The following ATXN8OS variants were observed in gnomAD, a reference collection of about 807,000 sequenced individuals.
The protein encoded by ATXN8OS is ATXN8 opposite strand (non-protein coding).
rs956439523 is a variant in ATXN8OS, at chr13:70,154,898, C to A, written n.573+7470C>A. 2.6e-5 allele frequency among the ~76,000 whole-genome samples: 4 copies of A among 152,178 alleles called. No homozygotes were observed. In the East Asian group the frequency reaches 5.8e-4, roughly 22 times the overall value. ...AGGATAAGCCGGTGCCCAGGCAAACCTAGATAATGGACATCTGGATTGCTT... is the reference window on the plus strand; with the variant it reads ...AGGATAAGCCGGTGCCCAGGCAAACATAGATAATGGACATCTGGATTGCTT... On this transcript the variant is annotated intron_variant and non_coding_transcript_variant, in intron 4 of 4. Coordinates refer to ENST00000678624, the Ensembl canonical transcript of ATXN8OS.
At chr13:70,107,442 G>C, upstream of ATXN8OS, 1 of 1,614,138 alleles carries the variant, frequency 6.2e-7, no homozygotes, top group Non-Finnish European at 8.5e-7. Flanking sequence ...TGAAGGAAGA[G>C]GAGGAAGAGG....
At chr13:70,115,099 T>C (rs1012588809) in intron 1 of ATXN8OS, 1 of 397,220 alleles carries the variant, frequency 2.5e-6, no homozygotes, top group African/African-American at 2.1e-5. Flanking sequence ...GAACACTACA[T>C]ACTGGGTAAT....
intron 2 of ATXN8OS, among the ~76,000 whole-genome samples, chr13:70,118,288 A>G (rs1281227261): frequency 6.6e-6 from 1 of 152,134 alleles, no homozygotes; most frequent in Non-Finnish European, 1.5e-5. Flanking sequence ...ATGACATTTC[A>G]CTAAGTAAAT....
At chr13:70,150,954 A>G (rs1434908074) in intron 4 of ATXN8OS, among the ~76,000 whole-genome samples, 3 of 152,116 alleles carry the variant, frequency 2.0e-5, no homozygotes, top group South Asian at 4.1e-4. Flanking sequence ...CATTGGCACT[A>G]TATTTTTTTA....
rs555240524 is a variant in ATXN8OS, at chr13:70,115,575, T to C, written n.398+277T>C. 2.3e-4 allele frequency among the ~76,000 whole-genome samples: 35 copies of C among 152,216 alleles called. 1 individual carries two copies. In the South Asian group the frequency reaches 7.0e-3, roughly 31 times the overall value. ...GGCAACACATTTTGGAAAATGAAGA[T>C]GGTCTTACTAGACTAGGATGGTTCT... On this transcript the variant is annotated intron_variant and non_coding_transcript_variant, in intron 2 of 4. Transcript: ENST00000678624.
rs969965218 is a variant in ATXN8OS, at chr13:70,116,145, G to C, written n.398+847G>C. Among the ~76,000 whole-genome samples, 6 of 114,732 alleles carry C rather than the reference G, an allele frequency of 5.2e-5. No individual in the cohort carries two copies. The East Asian group carries it at 9.3e-4, about 18-fold the overall frequency. 75.3% of individuals were successfully genotyped at this position (114,732 alleles called of 152,430 possible). On this transcript the variant is annotated intron_variant and non_coding_transcript_variant, in intron 2 of 4. Coordinates refer to ENST00000678624, the Ensembl canonical transcript of ATXN8OS. ...GTGCCAAGCCATGTTCATGGTGATG[G>C]GGGTGTATCAGTTAAAAAAAAAAAA...
chr13:70,110,382 G>A (rs1203679802), intron 1 of ATXN8OS, among the ~76,000 whole-genome samples: 6 of 151,854 alleles, frequency 4.0e-5, no homozygotes, highest in South Asian at 4.2e-4. Context: ...AAAATATTTC[G>A]AATTTAAGAA....
chr13:70,138,658 T>C (rs1433708323), intron 3 of ATXN8OS, among the ~76,000 whole-genome samples: 7 of 152,128 alleles, frequency 4.6e-5, no homozygotes, highest in Admixed American at 3.9e-4. Flanking sequence ...ATCACTAATA[T>C]AGTATGCATT....
chr13:70,117,763 A>G (rs990273006), intron 2 of ATXN8OS, among the ~76,000 whole-genome samples: 2 of 152,088 alleles, frequency 1.3e-5, no homozygotes, highest in Non-Finnish European at 2.9e-5. Flanking sequence ...AAAACCTGTT[A>G]AACAAGTAGC....
At chr13:70,147,550 A>G (rs1888802474) in intron 4 of ATXN8OS, among the ~76,000 whole-genome samples, 1 of 152,184 alleles carries the variant, frequency 6.6e-6, no homozygotes. Context: ...TAATCAAGAG[A>G]AAAGAAGTAT....
chr13:70,147,804 C>G (rs1466088797), intron 4 of ATXN8OS, among the ~76,000 whole-genome samples: 2 of 152,114 alleles, frequency 1.3e-5, no homozygotes, highest in Non-Finnish European at 2.9e-5. Flanking sequence ...CAAGATGATA[C>G]AGCCTCGGGA....
intron 2 of ATXN8OS, among the ~76,000 whole-genome samples, chr13:70,119,876 A>C (rs546915626): frequency 6.6e-6 from 1 of 151,930 alleles, no homozygotes; most frequent in East Asian, 2.0e-4. Flanking sequence ...CTTGGGTTCC[A>C]TCCACAAGAT....
At chr13:70,120,574 C>G (rs575595294) in intron 2 of ATXN8OS, among the ~76,000 whole-genome samples, 4 of 152,144 alleles carry the variant, frequency 2.6e-5, no homozygotes, top group Non-Finnish European at 4.4e-5. Flanking sequence ...ACTATCCATA[C>G]AGAGCTTGCA....
At chr13:70,110,357 CTT>C in intron 1 of ATXN8OS, among the ~76,000 whole-genome samples, 1 of 151,952 alleles carries the variant, frequency 6.6e-6, no homozygotes, top group East Asian at 1.9e-4. Flanking sequence ...TAAAATTCAA[CTT>C]TATTATCAAA....
intron 3 of ATXN8OS, chr13:70,139,203 A>C (rs1300190856): frequency 2.3e-6 from 1 of 435,018 alleles, no homozygotes; most frequent in East Asian, 3.3e-5. Flanking sequence ...TCTGTGTCTG[A>C]TATTCTCTAC....
chr13:70,126,306 A>G (rs1888434218), intron 2 of ATXN8OS, among the ~76,000 whole-genome samples: 1 of 152,150 alleles, frequency 6.6e-6, no homozygotes, highest in Middle Eastern at 3.2e-3. Flanking sequence ...TGGACAGCTA[A>G]TGTTCCCTCA....
upstream of ATXN8OS, chr13:70,107,691 G>A: frequency 6.6e-7 from 1 of 1,524,768 alleles, no homozygotes; most frequent in Non-Finnish European, 8.8e-7. Flanking sequence ...TTCGCCCAGA[G>A]CCTGACATGC....
At chr13:70,134,485 C>T (rs1181118377) in intron 3 of ATXN8OS, among the ~76,000 whole-genome samples, 4 of 152,104 alleles carry the variant, frequency 2.6e-5, no homozygotes, top group Admixed American at 2.0e-4. Context: ...AAAGGATGCT[C>T]GTTGAGCAGA....
At chr13:70,167,738 T>TTTTTC (rs1889094766) in intron 4 of ATXN8OS, among the ~76,000 whole-genome samples, 1 of 96,022 alleles carries the variant, frequency 1.0e-5, no homozygotes, top group Non-Finnish European at 2.4e-5. Flanking sequence ...TTTTTTTTTT[T>TTTTTC]TTTTTTTTTT....
Sources: gnomAD v4.1 joint callset for allele counts (sites outside exome capture counted in the v4.1 genomes callset) on GRCh38, gnomAD v4.1.1 for gene constraint, MANE v1.5 for transcripts, NCBI Gene and HGNC (gene_info 2026-07-23, HGNC 2026-07-21) for gene names.